COQ4: variants seen among roughly 807,000 people sequenced by gnomAD.
COQ4 encodes ubiquinone biosynthesis protein COQ4 homolog, mitochondrial.
COQ4 carries 36 observed loss-of-function variants against 30.2 expected under a neutral mutation model. The ratio of observed to expected loss-of-function variants is 1.19; its 90% confidence interval spans 0.91 to 1.57. The LOEUF (loss-of-function observed/expected upper bound fraction) is 1.57, where lower values mean the gene tolerates loss of function less well. Ranked by LOEUF, COQ4 falls within the 40% of genes most tolerant of loss-of-function variation. The pLI is 0.00. For missense variants in COQ4, 369 were observed against 371.9 expected (o/e 0.99, Z 0.07); for synonymous variants, 197 against 161.0 (o/e 1.22, Z -1.69).
intron 5 of COQ4, 145 bp downstream of exon 5, chr9:128,332,427 C>A: frequency 1.2e-6 from 1 of 846,996 alleles, no homozygotes; most frequent in Non-Finnish European, 1.8e-6. Flanking sequence ...GCATCTTTGC[C>A]ACATGTCCCC....
In COQ4 at chr9:128,333,935, C is replaced by T. The variant is rs1331147765; in HGVS notation, c.*290C>T. On this transcript the variant is annotated 3_prime_UTR_variant, in exon 7 of 7. Coordinates refer to ENST00000300452, the MANE Select transcript of COQ4 (RefSeq NM_016035.5). ...ATGTCGCAGTGCTCCTGTTGCAACTCCTCCCAGCCAGCCAGGTTTGCTGGG... is the reference window on the plus strand; with the variant it reads ...ATGTCGCAGTGCTCCTGTTGCAACTTCTCCCAGCCAGCCAGGTTTGCTGGG... 4.1e-6 allele frequency: 1 copy of T among 243,426 alleles called. No individual in the cohort carries two copies. Among genetic ancestry groups the T allele is most frequent in the African/African-American group, 2.2e-5 (1 of 44,650 alleles). 15.1% of individuals were successfully genotyped at this position (243,426 alleles called of 1,614,324 possible). A position where few individuals can be genotyped will look rare whatever the true frequency, so the allele number is the denominator to read the frequency against.
intron 4 of COQ4, chr9:128,330,265 C>T (rs566919371): frequency 2.7e-5 from 4 of 150,734 alleles, no homozygotes; most frequent in African/African-American, 9.8e-5. Context: ...CCTAGCTACT[C>T]AGGAAGCTGA....
At chr9:128,326,114 A>T (rs1426550615) in intron 4 of COQ4, 2 of 580,784 alleles carry the variant, frequency 3.4e-6, no homozygotes, top group Non-Finnish European at 6.1e-6. Flanking sequence ...GCCTGATGCC[A>T]GCCTCATCCG....
Position 128,325,256 on chromosome 9 carries a change from C to T in COQ4, c.299+17C>T. 6.3e-7 allele frequency: 1 copy of T among 1,576,354 alleles called. No homozygotes were observed. Among genetic ancestry groups the T allele is most frequent in the Non-Finnish European group, 8.7e-7 (1 of 1,147,530 alleles). On this transcript the variant is annotated intron_variant, in intron 3 of 6. Transcript: ENST00000300452. ...GATCCTGCAGTAGGTCCCAGCTCTGCCTGGGGGTCTGGGGGCATTCTCTAG... is the reference window on the plus strand; with the variant it reads ...GATCCTGCAGTAGGTCCCAGCTCTGTCTGGGGGTCTGGGGGCATTCTCTAG...
chr9:128,327,100 C>A (rs1832335502), intron 4 of COQ4, among the ~76,000 whole-genome samples: 1 of 152,092 alleles, frequency 6.6e-6, no homozygotes, highest in Admixed American at 6.6e-5. Context: ...CAGCCAAGTT[C>A]CCTGCCCTCA....
At chr9:128,327,697 G>C (rs1832344778) in intron 4 of COQ4, among the ~76,000 whole-genome samples, 1 of 152,110 alleles carries the variant, frequency 6.6e-6, no homozygotes, top group African/African-American at 2.4e-5. Flanking sequence ...CTACCTGGGA[G>C]GGAGTTTGAG....
intron 2 of COQ4, chr9:128,323,597 C>CT (rs1278188565): frequency 2.6e-6 from 1 of 380,502 alleles, no homozygotes; most frequent in Admixed American, 4.6e-5. Context: ...TTCTAGGGTT[C>CT]TACAGTGTTT....
At position 128,332,189 on chromosome 9, in the gene COQ4, G is replaced by T. The variant is rs761168589; in HGVS notation, c.439G>T (p.Val147Leu). 3 of 1,601,238 alleles carry T rather than the reference G, an allele frequency of 1.9e-6. No individual in the cohort carries two copies. The Admixed American group carries it at 5.2e-5, about 28-fold the overall frequency. Residue 147 changes from valine to leucine, a missense_variant, in exon 5 of 7, where the codon GTG (valine) becomes TTG (leucine). Transcript: ENST00000300452. ...AGACACCCGAGCACCCACCCGCTTC[G>T]TGGATGATGAGGAGCTAGCGTATGT... ...SPDTRAPTRF[V>L]DDEELAYVIQ...
Position 128,332,445 on chromosome 9 carries a change from C to T in COQ4, c.532+163C>T, listed in dbSNP as rs898252338. The T allele has an allele frequency of 9.5e-6, 7 of 738,318 alleles. 1 individual carries two copies. The South Asian group carries it at 1.1e-4, about 11-fold the overall frequency. 45.7% of individuals were successfully genotyped at this position (738,318 alleles called of 1,614,324 possible). A position where few individuals can be genotyped will look rare whatever the true frequency, so the allele number is the denominator to read the frequency against. ...TCTTTGCCACATGTCCCCCTTCTTT[C>T]TCCCACTGCCCCTCAGGGCTCCTGC... On this transcript the variant is annotated intron_variant, in intron 5 of 6. Coordinates refer to ENST00000300452, the MANE Select transcript of COQ4 (RefSeq NM_016035.5).
Position 128,333,597 on chromosome 9 carries a change from G to C in COQ4, c.750G>C (p.Glu250Asp), listed in dbSNP as rs546469913. The stretch of plus-strand genomic sequence containing the variant: ...AGCAGTCCCTGAGGGCTCTGCGGGA[G>C]GAGCTGGGCATTACAGCACCACCCA... ...RWEQSLRALR[E>D]ELGITAPPMH... Residue 250 changes from glutamate to aspartate, a missense_variant, in exon 7 of 7, where the codon GAG becomes GAC. Coordinates refer to ENST00000300452, the MANE Select transcript of COQ4 (RefSeq NM_016035.5). 3.7e-6 allele frequency: 6 copies of C among 1,605,764 alleles called. No individual in the cohort carries two copies. In the Admixed American group the frequency reaches 5.1e-5, roughly 14 times the overall value.
At position 128,322,927 on chromosome 9, in the gene COQ4, A is replaced by T; in HGVS notation, c.69A>T (p.Ala23=). 1 of 1,601,100 alleles carries T rather than the reference A, an allele frequency of 6.2e-7. No individual in the cohort carries two copies. Among genetic ancestry groups the T allele is most frequent in the South Asian group, 1.1e-5 (1 of 90,680 alleles). ...TCCCGGGCCTACAGCGGCCTGCGGC[A>T]GGCAAGTGGCGCCGGGTTCTGGGCG... ...CGLPGLQRPA[A]EMPLRARSDG... The change falls in exon 1 of 7, where the codon GCA becomes GCT. Residue 23 remains alanine (A), a splice_region_variant and synonymous_variant. Transcript: ENST00000300452.
chr9:128,325,043 A>G (rs1307351926), intron 2 of COQ4, 100 bp from the exon 3 acceptor site: 1 of 772,972 alleles, frequency 1.3e-6, no homozygotes, highest in East Asian at 2.5e-5. Context: ...AGAGCTAGAC[A>G]TCATCCCTAA....
chr9:128,325,997 T>G (rs1417295263), intron 4 of COQ4, 116 bp downstream of exon 4: 1 of 888,416 alleles, frequency 1.1e-6, no homozygotes, highest in Non-Finnish European at 1.8e-6. Flanking sequence ...AGGAGTGCTC[T>G]TCAGGCTCAT....
At chr9:128,333,056 T>TC (rs1832442175) in intron 6 of COQ4, 113 bp downstream of exon 6, 1 of 769,086 alleles carries the variant, frequency 1.3e-6, no homozygotes, top group Non-Finnish European at 2.3e-6. Flanking sequence ...CACAGCCCGT[T>TC]CCAGTTCTCC....
At chr9:128,326,819 G>C (rs955674292) in intron 4 of COQ4, among the ~76,000 whole-genome samples, 1 of 151,824 alleles carries the variant, frequency 6.6e-6, no homozygotes, top group Non-Finnish European at 1.5e-5. Flanking sequence ...GCGCCGTCTC[G>C]GCTCACTGCA....
In COQ4 at chr9:128,325,126, C is replaced by T. The variant is rs767523881; in HGVS notation, c.203-17C>T. 7.5e-6 allele frequency: 12 copies of T among 1,600,302 alleles called. No individual in the cohort carries two copies. In the East Asian group the frequency reaches 8.9e-5, roughly 12 times the overall value. ...TAAGATGACATCCCCCATTTGTGCC[C>T]GTTTCTGTCCTTTCAGACATGGTCG... On this transcript the variant is annotated splice_polypyrimidine_tract_variant and intron_variant, in intron 2 of 6. Coordinates refer to ENST00000300452, the MANE Select transcript of COQ4 (RefSeq NM_016035.5).
In COQ4 at chr9:128,323,004, C is replaced by T. The variant is rs766666516; in HGVS notation, c.71-12C>T. 4 of 1,611,048 alleles carry T rather than the reference C, an allele frequency of 2.5e-6. No individual in the cohort carries two copies. The highest frequency in any genetic ancestry group is 2.2e-5 in the East Asian group (1 of 44,866). The stretch of plus-strand genomic sequence containing the variant: ...CGGCTCCTCTGACCTCGGCCTTTTT[C>T]TTGCCCCGCAGAAATGCCCCTCCGG... On this transcript the variant is annotated splice_polypyrimidine_tract_variant and intron_variant, in intron 1 of 6. Coordinates refer to ENST00000300452, the MANE Select transcript of COQ4 (RefSeq NM_016035.5).
In COQ4 at chr9:128,325,854, C is replaced by T. The variant is rs375096994; in HGVS notation, c.375C>T (p.Arg125=). The change falls in exon 4 of 7, where the codon CGC becomes CGT. Residue 125 remains arginine (R), a synonymous_variant. Transcript: ENST00000300452. ...GCCTGCCGGAAGGCTCCCTCGGTCG[C>T]GAGTATCTCCGTTTCCTGGATGTGA... ...LQSLPEGSLG[R]EYLRFLDVNR... 1.1e-5 allele frequency: 18 copies of T among 1,614,046 alleles called. No homozygotes were observed. Among genetic ancestry groups the T allele is most frequent in the East Asian group, 2.2e-5 (1 of 44,890 alleles).
chr9:128,332,754 T>C (rs989357382), intron 5 of COQ4, 96 bp from the exon 6 acceptor site: 2 of 951,256 alleles, frequency 2.1e-6, no homozygotes, highest in South Asian at 2.6e-5. Flanking sequence ...CCGTAGAGAT[T>C]AGGGAGGAAC....
Sources: allele counts gnomAD v4.1 joint callset (sites outside exome capture counted in the v4.1 genomes callset), GRCh38; gene constraint gnomAD v4.1.1; transcripts MANE v1.5; gene names NCBI Gene and HGNC (gene_info 2026-07-23, HGNC 2026-07-21).